TMED3: variants seen among roughly 807,000 people sequenced by gnomAD.
The protein encoded by TMED3 is transmembrane emp24 domain-containing protein 3.
In TMED3, 9 loss-of-function variants were observed where a neutral mutation model predicts 15.0. The observed-to-expected ratio is 0.60, with a 90% CI of 0.36 to 1.04. The LOEUF is 1.04. Among genes scored for constraint, TMED3 ranks in the 50% least tolerant of loss-of-function variants. The pLI, the probability that TMED3 is intolerant of heterozygous loss-of-function variation, is 0.01. For missense variants in TMED3, 267 were observed against 278.9 expected, an observed-to-expected ratio of 0.96 and a Z score of 0.30; for synonymous variants, 117 against 121.4, an observed-to-expected ratio of 0.96 and a Z score of 0.24.
At chr15:79,358,099 T>C (rs925115) in intron 2 of TMED3, among the ~76,000 whole-genome samples, 13,894 of 152,262 alleles carry the variant, frequency 0.091, 685 homozygotes, top group Admixed American at 0.12. Context: ...CCTGTTTATG[T>C]CATGAGGGGA....
At chr15:79,343,077 G>T (rs931409257) in intron 2 of TMED3, among the ~76,000 whole-genome samples, 5 of 152,096 alleles carry the variant, frequency 3.3e-5, no homozygotes, top group Non-Finnish European at 5.9e-5. Context: ...GGAAATATAA[G>T]GGTTTGTTTG....
intron 2 of TMED3, chr15:79,384,620 C>CA (rs1227094646): frequency 1.3e-5 from 2 of 152,110 alleles, no homozygotes. Context: ...TGTGTATACT[C>CA]AAGTAGGTGA....
chr15:79,393,955 C>T (rs1272303989), intron 2 of TMED3, among the ~76,000 whole-genome samples: 5 of 151,904 alleles, frequency 3.3e-5, no homozygotes, highest in Admixed American at 3.3e-4. Context: ...TCTCTACCTC[C>T]CCAAATGTTG....
At chr15:79,369,696 T>C (rs530105910) in intron 2 of TMED3, among the ~76,000 whole-genome samples, 26 of 152,314 alleles carry the variant, frequency 1.7e-4, no homozygotes, top group Middle Eastern at 3.4e-3. Context: ...TATGGAGTAG[T>C]CTTGTTTTTG....
intron 2 of TMED3, among the ~76,000 whole-genome samples, chr15:79,393,200 C>G (rs112586459): frequency 1.3e-5 from 2 of 152,184 alleles, no homozygotes; most frequent in African/African-American, 4.8e-5. Flanking sequence ...TCAAAAACAT[C>G]TAGTCTGCAA....
intron 2 of TMED3, chr15:79,314,718 A>G (rs765960314): frequency 1.5e-4 from 50 of 340,348 alleles, no homozygotes; most frequent in Admixed American, 2.5e-4. Context: ...AGCCTTAGCA[A>G]CAGCTCCACA....
chr15:79,312,512 A>G (rs1359856846), intron 1 of TMED3, among the ~76,000 whole-genome samples: 1 of 152,192 alleles, frequency 6.6e-6, no homozygotes, highest in Non-Finnish European at 1.5e-5. Context: ...CAGGATACTC[A>G]CTGCTTTTTG....
At chr15:79,396,248 C>A (rs1004793774) in intron 2 of TMED3, among the ~76,000 whole-genome samples, 1 of 152,122 alleles carries the variant, frequency 6.6e-6, no homozygotes, top group Non-Finnish European at 1.5e-5. Context: ...CAAATCGTGC[C>A]AACATTTGGT....
intron 2 of TMED3, among the ~76,000 whole-genome samples, chr15:79,319,366 C>A (rs1317452848): frequency 6.6e-6 from 1 of 152,170 alleles, no homozygotes; most frequent in Non-Finnish European, 1.5e-5. Flanking sequence ...CTTACATAGT[C>A]TAGTTCAGCT....
chr15:79,381,140 C>T (rs1252856350), intron 2 of TMED3, among the ~76,000 whole-genome samples: 1 of 152,140 alleles, frequency 6.6e-6, no homozygotes. Flanking sequence ...CTTGCAAAAT[C>T]TTAGCTTTTT....
intron 2 of TMED3, among the ~76,000 whole-genome samples, chr15:79,396,897 A>G (rs903291175): frequency 6.6e-6 from 1 of 152,260 alleles, no homozygotes; most frequent in African/African-American, 2.4e-5. Flanking sequence ...AATAAAATAT[A>G]TTAACATTAA....
chr15:79,350,702 C>T (rs192503893), intron 2 of TMED3, among the ~76,000 whole-genome samples: 1 of 152,200 alleles, frequency 6.6e-6, no homozygotes, highest in Admixed American at 6.5e-5. Context: ...ACAGACACAC[C>T]CAGGAACAAT....
In TMED3 at chr15:79,322,033, A is replaced by G; in HGVS notation, c.473A>G (p.Gln158Arg). Reference protein sequence around the residue: ...HEALKTVIDSQTHYRLREAQD... With the variant: ...HEALKTVIDSRTHYRLREAQD... ...GCTCTGAAAACGGTGATTGACTCCC[A>G]GACGCATTACCGGCTGCGGGAGGCC... Residue 158 changes from glutamine (Q) to arginine (R), a missense_variant, in exon 3 of 3, where the codon CAG becomes CGG. By Grantham distance (43) the Gln-to-Arg change is conservative. This residue lies in a region of TMED3 where 139 missense variants were observed against 125.0 expected (regional missense o/e 1.11). Transcript: ENST00000299705. 3 of 1,614,220 alleles carry G rather than the reference A, an allele frequency of 1.9e-6. No homozygotes were observed. Among genetic ancestry groups the G allele is most frequent in the African/African-American group, 2.7e-5 (2 of 75,060 alleles).
At chr15:79,369,332 T>C (rs1893294560) in intron 2 of TMED3, among the ~76,000 whole-genome samples, 1 of 152,160 alleles carries the variant, frequency 6.6e-6, no homozygotes, top group Admixed American at 6.5e-5. Context: ...GTTTTCAGCT[T>C]AGTCCTGCCC....
Position 79,319,974 on chromosome 15 carries a change from G to A in TMED3, c.418-2004G>A, listed in dbSNP as rs141902311. Among the ~76,000 whole-genome samples, 86 of 152,320 alleles carry A rather than the reference G, an allele frequency of 5.6e-4. 1 individual carries two copies. The highest frequency in any genetic ancestry group is 2.7e-3 in the Admixed American group (41 of 15,306). Reference sequence around the variant, plus strand: ...ATCACAGGGAGACAGTTAGGTCCCCGGATAACTGCGGGTGGGCCTGACTGA... The same window carrying A: ...ATCACAGGGAGACAGTTAGGTCCCCAGATAACTGCGGGTGGGCCTGACTGA... On this transcript the variant is annotated intron_variant, in intron 2 of 2. Transcript: ENST00000299705.
intron 2 of TMED3, among the ~76,000 whole-genome samples, chr15:79,334,767 T>G (rs2058821498): frequency 1.3e-5 from 2 of 152,148 alleles, no homozygotes; most frequent in Non-Finnish European, 2.9e-5. Flanking sequence ...TGCACACATT[T>G]TTTCCCTCAT....
At chr15:79,363,533 A>C (rs1256918628) in intron 2 of TMED3, among the ~76,000 whole-genome samples, 2 of 151,036 alleles carry the variant, frequency 1.3e-5, no homozygotes, top group African/African-American at 2.4e-5. Context: ...TCTCCAAGTG[A>C]AAAATGACAG....
intron 2 of TMED3, among the ~76,000 whole-genome samples, chr15:79,352,954 TAATATATAATATATAA>T (rs1567030292): frequency 8.4e-6 from 1 of 119,168 alleles, no homozygotes; most frequent in East Asian, 2.3e-4. Context: ...ATAATATATG[TAATATATAATATATAA>T]AATATATATA....
At chr15:79,335,033 T>A (rs769001077) in intron 2 of TMED3, among the ~76,000 whole-genome samples, 1 of 151,916 alleles carries the variant, frequency 6.6e-6, no homozygotes, top group Non-Finnish European at 1.5e-5. Context: ...GAAAAACAAA[T>A]GGAAAACAAA....
Sources: allele counts gnomAD v4.1 joint callset (sites outside exome capture counted in the v4.1 genomes callset), GRCh38; gene constraint gnomAD v4.1.1; regional missense constraint gnomAD v4.1.1; transcripts MANE v1.5; gene names NCBI Gene and HGNC (gene_info 2026-07-23, HGNC 2026-07-21).